Variants in MGMT observed in about 807,000 individuals in gnomAD.
The protein encoded by MGMT is O-6-methylguanine-DNA methyltransferase.
A neutral mutation model predicts 15.9 loss-of-function variants in MGMT; 14 were observed. The ratio of observed to expected loss-of-function variants is 0.88; its 90% CI spans 0.58 to 1.37. The LOEUF (loss-of-function observed/expected upper bound fraction) is 1.37. MGMT is among the 40% of genes most tolerant of loss of function. The pLI is 0.00. For synonymous variants in MGMT, 130 were observed against 118.2 expected, an observed-to-expected ratio of 1.10 and a Z score of -0.65; for missense variants, 282 against 268.1, an observed-to-expected ratio of 1.05 and a Z score of -0.36.
chr10:129,580,674 C>T (rs953204674), intron 2 of MGMT, among the ~76,000 whole-genome samples: 2 of 152,210 alleles, frequency 1.3e-5, no homozygotes, highest in Non-Finnish European at 2.9e-5. Context: ...GGACAGACAT[C>T]CTGTACCTAG....
At chr10:129,590,367 A>G (rs1482022477) in intron 2 of MGMT, among the ~76,000 whole-genome samples, 2 of 152,212 alleles carry the variant, frequency 1.3e-5, no homozygotes, top group Non-Finnish European at 2.9e-5. Context: ...AGAGTTCTAC[A>G]TGGATTGAAT....
At chr10:129,518,473 C>T (rs1845765966) in intron 1 of MGMT, among the ~76,000 whole-genome samples, 1 of 142,244 alleles carries the variant, frequency 7.0e-6, no homozygotes, top group Admixed American at 7.0e-5. Context: ...ACTGCCCCTG[C>T]CCCTCCTCCC....
intron 2 of MGMT, among the ~76,000 whole-genome samples, chr10:129,623,928 A>G (rs1408200466): frequency 6.6e-6 from 1 of 152,242 alleles, no homozygotes; most frequent in African/African-American, 2.4e-5. Flanking sequence ...CCATTCTGCC[A>G]TCTCAGCCAA....
intron 2 of MGMT, among the ~76,000 whole-genome samples, chr10:129,538,229 A>G (rs1846006904): frequency 6.6e-6 from 1 of 152,256 alleles, no homozygotes; most frequent in Non-Finnish European, 1.5e-5. Flanking sequence ...CCGTATAACT[A>G]CCGCCGAAGA....
At chr10:129,761,048 C>T (rs1323699231) in intron 4 of MGMT, among the ~76,000 whole-genome samples, 1 of 152,152 alleles carries the variant, frequency 6.6e-6, no homozygotes, top group Admixed American at 6.5e-5. Flanking sequence ...AACCTACATG[C>T]CCCTCTGGAA....
chr10:129,474,354 T>A (rs991113649), intron 1 of MGMT, among the ~76,000 whole-genome samples: 1 of 151,922 alleles, frequency 6.6e-6, no homozygotes, highest in Middle Eastern at 3.4e-3. Flanking sequence ...TTCCAGGAGG[T>A]ATAGCTGGGG....
intron 3 of MGMT, among the ~76,000 whole-genome samples, chr10:129,710,413 C>A (rs74160272): frequency 0.013 from 2,004 of 152,302 alleles, 45 homozygotes; most frequent in African/African-American, 0.046. Flanking sequence ...GGCCTTCTCT[C>A]GAGGGTAGGG....
At chr10:129,649,937 T>G (rs995776408) in intron 2 of MGMT, among the ~76,000 whole-genome samples, 1 of 152,256 alleles carries the variant, frequency 6.6e-6, no homozygotes, top group Non-Finnish European at 1.5e-5. Flanking sequence ...CTGTATTTTT[T>G]TTCTTCTTTG....
Position 129,497,163 on chromosome 10 carries a change from T to C in MGMT, c.-13+29867T>C, listed in dbSNP as rs570792697. 2.4e-4 allele frequency among the ~76,000 whole-genome samples: 36 copies of C among 152,360 alleles called. No individual in the cohort carries two copies. In the South Asian group the frequency reaches 7.5e-3, roughly 32 times the overall value. On this transcript the variant is annotated intron_variant, in intron 1 of 4. Transcript: ENST00000651593. The stretch of plus-strand genomic sequence containing the variant: ...CACTAATCTTAATTTATGATCTATT[T>C]AACCTTTATATTTCCTAGCCACAGC...
intron 3 of MGMT, among the ~76,000 whole-genome samples, chr10:129,722,864 A>G (rs908565643): frequency 6.6e-6 from 1 of 152,048 alleles, no homozygotes; most frequent in South Asian, 2.1e-4. Context: ...AAAACAGCCA[A>G]GCATGGTGGT....
chr10:129,551,785 G>T (rs1018590350), intron 2 of MGMT, among the ~76,000 whole-genome samples: 2 of 152,146 alleles, frequency 1.3e-5, no homozygotes, highest in African/African-American at 4.8e-5. Context: ...CAGACCGGTG[G>T]AACATGCCTT....
At chr10:129,550,409 C>T (rs1217553115) in intron 2 of MGMT, among the ~76,000 whole-genome samples, 2 of 151,446 alleles carry the variant, frequency 1.3e-5, no homozygotes, top group Non-Finnish European at 2.9e-5. Context: ...CCGCAGCCAT[C>T]ACCACCACCC....
intron 2 of MGMT, chr10:129,694,371 T>TC (rs1848005862): frequency 1.3e-5 from 2 of 152,210 alleles, no homozygotes; most frequent in African/African-American, 2.4e-5. Flanking sequence ...CCTCCTGCCT[T>TC]CCCCTGGGAG....
At chr10:129,551,711 A>G (rs922342482) in intron 2 of MGMT, among the ~76,000 whole-genome samples, 1 of 152,166 alleles carries the variant, frequency 6.6e-6, no homozygotes, top group African/African-American at 2.4e-5. Context: ...TTTATTTACC[A>G]GACCCCACCA....
At chr10:129,717,123 G>C (rs1460037388) in intron 3 of MGMT, among the ~76,000 whole-genome samples, 2 of 152,164 alleles carry the variant, frequency 1.3e-5, no homozygotes, top group Non-Finnish European at 2.9e-5. Context: ...ATATGGTTAT[G>C]AGTTCTGTGC....
chr10:129,467,247 T>A lies in MGMT; in HGVS notation c.-62T>A, dbSNP rs1393473860. 6.5e-7 allele frequency: 1 copy of A among 1,544,108 alleles called. No individual in the cohort carries two copies. On this transcript the variant is annotated 5_prime_UTR_variant, in exon 1 of 5. The change creates a new upstream start codon in the 5' untranslated region. Coordinates refer to ENST00000651593, the MANE Select transcript of MGMT (RefSeq NM_002412.5). ...GGACAGCCCGCGCCCCTAGAACGCT[T>A]TGCGTCCCGACGCCCGCAGGTCCTC...
chr10:129,585,187 T>C (rs554409384), intron 2 of MGMT, among the ~76,000 whole-genome samples: 2 of 152,248 alleles, frequency 1.3e-5, no homozygotes, highest in South Asian at 4.1e-4. Context: ...GAAAGATATC[T>C]TCTTGTGTAA....
rs113790747 is a variant in MGMT, at chr10:129,554,728, G to A, written c.125+18351G>A. Among the ~76,000 whole-genome samples, 373 of 152,248 alleles carry A rather than the reference G, an allele frequency of 2.4e-3. 4 individuals carry two copies. The highest frequency in any genetic ancestry group is 8.5e-3 in the African/African-American group (354 of 41,538). On this transcript the variant is annotated intron_variant, in intron 2 of 4. Coordinates refer to ENST00000651593, the MANE Select transcript of MGMT (RefSeq NM_002412.5). ...TCCTCACTGTTTTTAAGATAAGAAA[G>A]CATTAGCTCTGTGTTTTCCTAGCCC...
chr10:129,548,263 C>G (rs556206185), intron 2 of MGMT, among the ~76,000 whole-genome samples: 1 of 152,172 alleles, frequency 6.6e-6, no homozygotes, highest in Admixed American at 6.5e-5. Flanking sequence ...CTAGAAATTT[C>G]TGTCCTATTT....
Sources: gnomAD v4.1 joint callset for allele counts (sites outside exome capture counted in the v4.1 genomes callset) on GRCh38, gnomAD v4.1.1 for gene constraint, MANE v1.5 for transcripts, NCBI Gene and HGNC (gene_info 2026-07-23, HGNC 2026-07-21) for gene names.